Variants in UACA observed in about 807,000 individuals in gnomAD.
UACA encodes uveal autoantigen with coiled-coil domains and ankyrin repeats, also known as nuclear membrane binding protein.
UACA carries 112 observed loss-of-function variants against 160.5 expected under a neutral mutation model. The ratio of observed to expected loss-of-function variants is 0.70; its 90% CI spans 0.60 to 0.82. UACA has a LOEUF of 0.82. UACA is among the 40% of genes least tolerant of loss of function. The probability of loss-of-function intolerance (pLI) is 0.00; values close to 1 mark genes in which losing one functional copy is unlikely to be tolerated. For missense variants in UACA, 1,574 were observed against 1,614.6 expected (o/e 0.97, Z 0.43); for synonymous variants, 557 against 568.4 (o/e 0.98, Z 0.29).
chr15:70,695,004 G>A lies in UACA; in HGVS notation c.301+13C>T. ...ACTTTATGTTTTATAATTAACTATGGAGGCAAACATACCTGCAGTGTCACT... is the reference window on the plus strand; with the variant it reads ...ACTTTATGTTTTATAATTAACTATGAAGGCAAACATACCTGCAGTGTCACT... On this transcript the variant is annotated intron_variant, in intron 3 of 18. Coordinates refer to ENST00000322954, the MANE Select transcript of UACA (RefSeq NM_018003.4). 2 of 1,590,474 alleles carry A rather than the reference G, an allele frequency of 1.3e-6. No homozygotes were observed. The highest frequency in any genetic ancestry group is 1.7e-6 in the Non-Finnish European group (2 of 1,162,312).
the UACA span, among the ~76,000 whole-genome samples, chr15:70,769,414 T>C: frequency 6.6e-6 from 1 of 150,662 alleles, no homozygotes; most frequent in Non-Finnish European, 1.5e-5. Context: ...TTATGGTAGA[T>C]GATGAACAAT....
intron 17 of UACA, chr15:70,661,454 A>G (rs751984395): frequency 6.6e-6 from 1 of 152,206 alleles, no homozygotes; most frequent in Non-Finnish European, 1.5e-5. Flanking sequence ...TATTAAAGGG[A>G]CACTATACTC....
intron 11 of UACA, among the ~76,000 whole-genome samples, chr15:70,677,710 A>G (rs1171807813): frequency 2.0e-5 from 3 of 152,042 alleles, no homozygotes; most frequent in South Asian, 4.1e-4. Context: ...TATTTCTTGT[A>G]TTTCCAATTT....
chr15:70,664,871 T>G (rs555742599), intron 16 of UACA, 57 bp from the exon 17 acceptor site: 146 of 1,463,776 alleles, frequency 1.0e-4, no homozygotes, highest in Middle Eastern at 9.7e-4. Context: ...ACAATGAACA[T>G]CTTTGTACAG....
At chr15:70,746,501 A>G (rs1437171146) in intron 1 of UACA, among the ~76,000 whole-genome samples, 1 of 152,188 alleles carries the variant, frequency 6.6e-6, no homozygotes, top group Non-Finnish European at 1.5e-5. Flanking sequence ...TGGAGAGGAC[A>G]TGGAGAAATA....
At chr15:70,761,004 C>T (rs2030719047) in intron 1 of UACA, among the ~76,000 whole-genome samples, 1 of 152,088 alleles carries the variant, frequency 6.6e-6, no homozygotes, top group African/African-American at 2.4e-5. Context: ...TTTAACCCAG[C>T]AATTCACTTT....
chr15:70,772,987 G>A, the UACA span, among the ~76,000 whole-genome samples: 10 of 151,322 alleles, frequency 6.6e-5, no homozygotes, highest in Admixed American at 4.0e-4. Flanking sequence ...TACTCGGAAC[G>A]CTGAGGCAGG....
Position 70,656,025 on chromosome 15 carries a change from T to C in UACA, c.*1031A>G, listed in dbSNP as rs1391837361. On this transcript the variant is annotated 3_prime_UTR_variant, in exon 19 of 19. Coordinates refer to ENST00000322954, the MANE Select transcript of UACA (RefSeq NM_018003.4). ...AGTATTTACTATAAACATGTCCACTTATGTTATTTTATTGCTATCTATATA... is the reference window on the plus strand; with the variant it reads ...AGTATTTACTATAAACATGTCCACTCATGTTATTTTATTGCTATCTATATA... The C allele has an allele frequency of 6.6e-6, 1 of 152,224 alleles. No homozygotes were observed. The highest frequency in any genetic ancestry group is 6.5e-5 in the Admixed American group (1 of 15,292). The allele number at this position is 152,224 out of a possible 1,614,324, so 9.4% of individuals were successfully genotyped here.
intron 3 of UACA, among the ~76,000 whole-genome samples, chr15:70,693,142 G>A (rs150373919): frequency 5.0e-4 from 76 of 152,330 alleles, no homozygotes; most frequent in Middle Eastern, 6.8e-3. Flanking sequence ...AGCATGGAGT[G>A]GAGATGGTAG....
In UACA at chr15:70,752,701, T is replaced by TA. The variant is rs1477246204; in HGVS notation, c.78+10628dup. ...GGAAAACCTTACTACAGAGGTAATATAAAAAACCTTGACAATATATAAATA... is the reference window on the plus strand; with the variant it reads ...GGAAAACCTTACTACAGAGGTAATATAAAAAAACCTTGACAATATATAAATA... On this transcript the variant is annotated intron_variant, in intron 1 of 18. Coordinates refer to ENST00000322954, the MANE Select transcript of UACA (RefSeq NM_018003.4). Among the ~76,000 whole-genome samples the TA allele has an allele frequency of 2.6e-5, 4 of 151,986 alleles. 1 individual carries two copies. In the South Asian group the frequency reaches 6.2e-4, roughly 24 times the overall value.
Position 70,691,310 on chromosome 15 carries a change from T to C in UACA, c.355A>G (p.Lys119Glu). The C allele has an allele frequency of 6.2e-7, 1 of 1,605,296 alleles. No individual in the cohort carries two copies. The highest frequency in any genetic ancestry group is 8.5e-7 in the Non-Finnish European group (1 of 1,175,514). The change falls in exon 4 of 19, where the codon AAA (lysine) becomes GAA (glutamate). Residue 119 changes from lysine to glutamate, a missense_variant. By Grantham distance (56) the Lys-to-Glu change is moderately conservative. Coordinates refer to ENST00000322954, the MANE Select transcript of UACA (RefSeq NM_018003.4). ...ACCACTTCCACTACCTGTAGAAGTT[T>C]TTGTAGGCACAATGCATGTCCATAC... ...AKYGHALCLQ[K>E]LLQYNCPTEH... is the part of the protein sequence containing the mutation.
At chr15:70,723,701 C>T (rs1255835106) in intron 1 of UACA, among the ~76,000 whole-genome samples, 2 of 150,604 alleles carry the variant, frequency 1.3e-5, no homozygotes, top group African/African-American at 2.5e-5. Flanking sequence ...GGCGTGATCT[C>T]GGCTCACTGC....
chr15:70,698,283 T>TA (rs1261740447), intron 2 of UACA, among the ~76,000 whole-genome samples: 2 of 152,210 alleles, frequency 1.3e-5, no homozygotes, highest in Non-Finnish European at 2.9e-5. Flanking sequence ...ATTTCAGTGA[T>TA]ATAGGTTTCA....
chr15:70,684,898 A>G (rs1428570089), intron 7 of UACA, among the ~76,000 whole-genome samples: 1 of 151,862 alleles, frequency 6.6e-6, no homozygotes, highest in South Asian at 2.1e-4. Flanking sequence ...TACCAAACCA[A>G]CCTCATTTAT....
chr15:70,763,335 T>TGGCGGC lies in UACA; in HGVS notation c.67_72dup (p.Ala23_Ala24dup), dbSNP rs1157740758. 2.2e-6 allele frequency: 3 copies of TGGCGGC among 1,333,820 alleles called. No individual in the cohort carries two copies. Among genetic ancestry groups the TGGCGGC allele is most frequent in the Non-Finnish European group, 1.9e-6 (2 of 1,036,718 alleles). 82.6% of individuals were successfully genotyped at this position (1,333,820 alleles called of 1,614,324 possible). On this transcript the variant is annotated inframe_insertion, in exon 1 of 19. Transcript: ENST00000322954. ...GCCCGGACCGCGGGACTCACCGCGCTGGCGGCGGCGGCGCCAGACGACGCG... is the reference window on the plus strand; with the variant it reads ...GCCCGGACCGCGGGACTCACCGCGCTGGCGGCGGCGGCGGCGGCGCCAGACGACGCG...
chr15:70,727,830 GA>G (rs1050096022), intron 1 of UACA, among the ~76,000 whole-genome samples: 17 of 152,296 alleles, frequency 1.1e-4, no homozygotes, highest in African/African-American at 4.1e-4. Flanking sequence ...TAAAAGCCTT[GA>G]AATGAAGAAA....
At chr15:70,685,493 T>C (rs983725832) in intron 7 of UACA, among the ~76,000 whole-genome samples, 5 of 152,162 alleles carry the variant, frequency 3.3e-5, no homozygotes, top group Non-Finnish European at 7.3e-5. Flanking sequence ...TGATAAGAAA[T>C]TCTGTACAAA....
At chr15:70,772,180 C>CATTAAGAATCTAGGTAGTAAGAT in the UACA span, among the ~76,000 whole-genome samples, 1 of 152,136 alleles carries the variant, frequency 6.6e-6, no homozygotes, top group South Asian at 2.1e-4. Flanking sequence ...GGGAGTAAGA[C>CATTAAGAATCTAGGTAGTAAGAT]ATTAAGAATC....
At chr15:70,693,076 T>C (rs1897996771) in intron 3 of UACA, among the ~76,000 whole-genome samples, 1 of 152,182 alleles carries the variant, frequency 6.6e-6, no homozygotes, top group African/African-American at 2.4e-5. Context: ...CCTAGAAACA[T>C]TTCACATTGT....
Sources: allele counts gnomAD v4.1 joint callset (sites outside exome capture counted in the v4.1 genomes callset), GRCh38; gene constraint gnomAD v4.1.1; transcripts MANE v1.5; gene names NCBI Gene and HGNC (gene_info 2026-07-23, HGNC 2026-07-21).